RALYL: variants seen among roughly 807,000 people sequenced by gnomAD.
RALYL encodes RNA-binding Raly-like protein.
RALYL carries 29 observed loss-of-function variants against 35.1 expected under a neutral mutation model. That is an observed-to-expected ratio of 0.83 (90% CI 0.61 to 1.13). The LOEUF (loss-of-function observed/expected upper bound fraction) is 1.13. Among genes scored for constraint, RALYL ranks in the 50% most tolerant of loss-of-function variants. The pLI is 0.00. For synonymous variants in RALYL, 120 were observed against 127.6 expected, an observed-to-expected ratio of 0.94 and a Z score of 0.40; for missense variants, 359 against 360.4, an observed-to-expected ratio of 1.00 and a Z score of 0.03.
At chr8:84,377,976 A>G (rs1008439136) in intron 1 of RALYL, among the ~76,000 whole-genome samples, 8 of 151,954 alleles carry the variant, frequency 5.3e-5, no homozygotes, top group Non-Finnish European at 1.2e-4. Flanking sequence ...TAAAGAATTT[A>G]ACAAAGCAAT....
intron 1 of RALYL, among the ~76,000 whole-genome samples, chr8:84,210,226 G>C (rs931176191): frequency 6.6e-6 from 1 of 151,888 alleles, no homozygotes; most frequent in East Asian, 1.9e-4. Context: ...ATGTGTGTAT[G>C]TGTATATATA....
At chr8:84,913,023 GATGGA>G (rs1196477992) in intron 8 of RALYL, among the ~76,000 whole-genome samples, 31 of 138,908 alleles carry the variant, frequency 2.2e-4, no homozygotes, top group African/African-American at 6.5e-4. Context: ...TGGATGGATG[GATGGA>G]TGGATAGGTA....
intron 1 of RALYL, among the ~76,000 whole-genome samples, chr8:84,327,038 A>G (rs749085986): frequency 6.6e-6 from 1 of 152,148 alleles, no homozygotes; most frequent in Non-Finnish European, 1.5e-5. Context: ...CTTGGTTGAC[A>G]TGCTACCACA....
Position 84,769,716 on chromosome 8 carries a change from G to A in RALYL, c.257-4863G>A, listed in dbSNP as rs1301679390. ...GCAGAAGTTGCAGTGAGCCATGGGCGACAGAGTGAGACTCTGTCTCAGAGA... is the reference window on the plus strand; with the variant it reads ...GCAGAAGTTGCAGTGAGCCATGGGCAACAGAGTGAGACTCTGTCTCAGAGA... On this transcript the variant is annotated intron_variant, in intron 2 of 8. Transcript: ENST00000521268. Among the ~76,000 whole-genome samples the A allele has an allele frequency of 2.6e-5, 4 of 152,034 alleles. No homozygotes were observed. The South Asian group carries it at 6.2e-4, about 24-fold the overall frequency.
chr8:84,524,289 A>G (rs912933493), intron 1 of RALYL, among the ~76,000 whole-genome samples: 1 of 152,236 alleles, frequency 6.6e-6, no homozygotes, highest in Non-Finnish European at 1.5e-5. Context: ...AAGTGGGCGA[A>G]GGACATGAAC....
At chr8:84,585,365 T>G (rs924839027) in intron 2 of RALYL, among the ~76,000 whole-genome samples, 5 of 152,198 alleles carry the variant, frequency 3.3e-5, no homozygotes, top group Non-Finnish European at 7.4e-5. Context: ...CATTAAATGT[T>G]TATTAATAAA....
At chr8:84,257,057 T>A (rs1323512916) in intron 1 of RALYL, among the ~76,000 whole-genome samples, 1 of 151,974 alleles carries the variant, frequency 6.6e-6, no homozygotes, top group African/African-American at 2.4e-5. Context: ...ATATAAAATA[T>A]TAAACCAAGA....
At chr8:84,871,496 TA>T (rs1373642953) in intron 6 of RALYL, among the ~76,000 whole-genome samples, 8 of 152,218 alleles carry the variant, frequency 5.3e-5, no homozygotes, top group Non-Finnish European at 1.0e-4. Context: ...TACGTTTAAG[TA>T]AAACTACATA....
chr8:84,234,152 C>T (rs1011096172), intron 1 of RALYL, among the ~76,000 whole-genome samples: 1 of 152,138 alleles, frequency 6.6e-6, no homozygotes, highest in Non-Finnish European at 1.5e-5. Context: ...GTGTATTAGG[C>T]ATTTTTGGAA....
chr8:84,285,984 C>T (rs189784734), intron 1 of RALYL, among the ~76,000 whole-genome samples: 115 of 152,150 alleles, frequency 7.6e-4, no homozygotes, highest in African/African-American at 2.5e-3. Context: ...TAGTAAGAAA[C>T]GTGAGAAATT....
rs374880330 is a variant in RALYL at position 84,445,418 on chromosome 8, T to C, written c.-23-83881T>C. On this transcript the variant is annotated intron_variant, in intron 1 of 8. Coordinates refer to ENST00000521268, the MANE Select transcript of RALYL (RefSeq NM_173848.7). Reference sequence around the variant, plus strand: ...TAGAAGGATATCTAATATATAATTATGAACAGAAGACAACTCGTCTCTTTT... The same window carrying C: ...TAGAAGGATATCTAATATATAATTACGAACAGAAGACAACTCGTCTCTTTT... 1.2e-4 allele frequency among the ~76,000 whole-genome samples: 19 copies of C among 152,074 alleles called. No homozygotes were observed. The East Asian group carries it at 1.4e-3, about 11-fold the overall frequency.
At chr8:84,494,949 C>T (rs568817030) in intron 1 of RALYL, among the ~76,000 whole-genome samples, 36 of 152,002 alleles carry the variant, frequency 2.4e-4, no homozygotes, top group African/African-American at 8.7e-4. Context: ...ATAGGAGTGG[C>T]GAGAGAGGGC....
chr8:84,646,450 AGTTTG>A (rs901969696), intron 2 of RALYL, among the ~76,000 whole-genome samples: 1 of 151,924 alleles, frequency 6.6e-6, no homozygotes, highest in African/African-American at 2.4e-5. Context: ...TATTTAATTT[AGTTTG>A]GGGGATTGTA....
At chr8:84,397,312 T>C (rs1385004092) in intron 1 of RALYL, among the ~76,000 whole-genome samples, 1 of 152,214 alleles carries the variant, frequency 6.6e-6, no homozygotes, top group Non-Finnish European at 1.5e-5. Context: ...AATTTTGTGG[T>C]ATTTTAAGTA....
At chr8:84,329,192 A>G (rs903955582) in intron 1 of RALYL, among the ~76,000 whole-genome samples, 3 of 152,146 alleles carry the variant, frequency 2.0e-5, no homozygotes, top group Non-Finnish European at 4.4e-5. Flanking sequence ...ACAGCTTTCC[A>G]CAGTAGCTGA....
chr8:84,256,349 C>A (rs1415319935), intron 1 of RALYL, among the ~76,000 whole-genome samples: 1 of 104,954 alleles, frequency 9.5e-6, no homozygotes, highest in African/African-American at 5.0e-5. Context: ...CTAGCAGAAA[C>A]CTGTATTTTG....
chr8:84,742,628 G>A (rs1807641734), intron 2 of RALYL, among the ~76,000 whole-genome samples: 1 of 152,016 alleles, frequency 6.6e-6, no homozygotes, highest in Admixed American at 6.6e-5. Flanking sequence ...GAAACTGGGA[G>A]GGGTGGAGAC....
chr8:84,817,741 C>CG (rs533963945), intron 4 of RALYL, among the ~76,000 whole-genome samples: 53 of 151,668 alleles, frequency 3.5e-4, no homozygotes, highest in Middle Eastern at 3.4e-3. Context: ...TTTCTAGAAA[C>CG]GGGGGGTCTC....
intron 3 of RALYL, among the ~76,000 whole-genome samples, chr8:84,800,677 C>G (rs1432778349): frequency 1.3e-5 from 2 of 152,084 alleles, no homozygotes; most frequent in African/African-American, 2.4e-5. Context: ...AAACAATTAC[C>G]TTGTAAAAAA....
Sources: allele counts gnomAD v4.1 joint callset (sites outside exome capture counted in the v4.1 genomes callset), GRCh38; gene constraint gnomAD v4.1.1; transcripts MANE v1.5; gene names NCBI Gene and HGNC (gene_info 2026-07-23, HGNC 2026-07-21).